The following ERCC8 variants were observed in gnomAD, a reference collection of about 807,000 sequenced individuals.
ERCC8 encodes the protein DNA excision repair protein ERCC-8.
A neutral mutation model predicts 54.9 loss-of-function variants in ERCC8; 52 were observed. The observed-to-expected ratio is 0.95, with a 90% CI of 0.76 to 1.19. ERCC8 has a LOEUF of 1.19. Among genes scored for constraint, ERCC8 ranks in the 50% most tolerant of loss-of-function variants. ERCC8 has a pLI of 0.00. For missense variants in ERCC8, 514 were observed against 466.1 expected (o/e 1.10, Z -0.95); for synonymous variants, 146 against 157.2 (o/e 0.93, Z 0.53).
At chr5:60,893,781 G>A (rs979239919) in intron 9 of ERCC8, 1 of 289,298 alleles carries the variant, frequency 3.5e-6, no homozygotes, top group Non-Finnish European at 6.4e-6. Context: ...TCCCTTTATA[G>A]TTAAACATTT....
intron 4 of ERCC8, among the ~76,000 whole-genome samples, chr5:60,913,183 G>A (rs1325582048): frequency 6.6e-6 from 1 of 152,070 alleles, no homozygotes; most frequent in Non-Finnish European, 1.5e-5. Context: ...GCTCCTCTTT[G>A]TACCTCTGGT....
Position 60,890,979 on chromosome 5 carries a change from A to G in ERCC8, c.951T>C (p.Ala317=), listed in dbSNP as rs1336561357. Residue 317 remains alanine (A), a synonymous_variant, in exon 10 of 12, where the codon GCT becomes GCC. Transcript: ENST00000676185. The stretch of plus-strand genomic sequence containing the variant: ...GTTCTCCTGAGTAAACTGTATAAAC[A>G]GCAATGGTGCTACCATATGGTACAA... The part of the protein sequence containing the change: ...FVFVPYGSTI[A]VYTVYSGEQI... 1 of 1,613,056 alleles carries G rather than the reference A, an allele frequency of 6.2e-7. No homozygotes were observed.
intron 9 of ERCC8, among the ~76,000 whole-genome samples, chr5:60,897,057 C>A (rs980002029): frequency 6.6e-6 from 1 of 152,156 alleles, no homozygotes; most frequent in East Asian, 1.9e-4. Context: ...CATATTCCAA[C>A]GCAAGAACCT....
In ERCC8 at chr5:60,869,073, T is replaced by C. The variant is rs1337737645; in HGVS notation, c.*5542A>G. ...GGGCTCAATAATTAGCACCTGAACA[T>C]GGAAAACATTAAATTAAAAAAATGG... is the stretch of plus-strand genomic sequence containing the variant. On this transcript the variant is annotated 3_prime_UTR_variant, in exon 12 of 12. Coordinates refer to ENST00000676185, the MANE Select transcript of ERCC8 (RefSeq NM_000082.4). 1.3e-5 allele frequency among the ~76,000 whole-genome samples: 2 copies of C among 152,166 alleles called. No individual in the cohort carries two copies. Among genetic ancestry groups the C allele is most frequent in the African/African-American group, 4.8e-5 (2 of 41,452 alleles).
At chr5:60,908,576 T>C (rs1057117933) in intron 4 of ERCC8, among the ~76,000 whole-genome samples, 9 of 91,002 alleles carry the variant, frequency 9.9e-5, no homozygotes, top group South Asian at 4.0e-4. Flanking sequence ...TATATATATA[T>C]ATATATATTT....
At chr5:60,918,088 A>G in intron 4 of ERCC8, 177 bp downstream of exon 4, 1 of 599,066 alleles carries the variant, frequency 1.7e-6, no homozygotes, top group Non-Finnish European at 3.1e-6. Flanking sequence ...CCAATGTCAT[A>G]CAGCTGTCAG....
intron 11 of ERCC8, among the ~76,000 whole-genome samples, chr5:60,878,842 G>C (rs1484813747): frequency 1.3e-5 from 2 of 152,048 alleles, no homozygotes; most frequent in African/African-American, 4.8e-5. Context: ...CTGATTTTTT[G>C]AAGGGTTTTT....
At chr5:60,884,939 A>G (rs1196446158) in intron 11 of ERCC8, among the ~76,000 whole-genome samples, 1 of 152,096 alleles carries the variant, frequency 6.6e-6, no homozygotes, top group Non-Finnish European at 1.5e-5. Context: ...CATATACAAA[A>G]GTTTGTTTAC....
intron 5 of ERCC8, among the ~76,000 whole-genome samples, 183 bp downstream of exon 5, chr5:60,904,609 T>C (rs1410430845): frequency 9.0e-5 from 12 of 133,918 alleles, no homozygotes; most frequent in African/African-American, 3.3e-4. Flanking sequence ...ACAATATCTG[T>C]TGAATATATA....
intron 1 of ERCC8, among the ~76,000 whole-genome samples, chr5:60,929,616 A>T (rs887815405): frequency 2.6e-5 from 4 of 152,164 alleles, no homozygotes; most frequent in Admixed American, 2.6e-4. Flanking sequence ...TCAACTTAAC[A>T]TTTATGTGTA....
intron 1 of ERCC8, among the ~76,000 whole-genome samples, chr5:60,943,145 T>A (rs1750313269): frequency 6.6e-6 from 1 of 151,972 alleles, no homozygotes; most frequent in Non-Finnish European, 1.5e-5. Flanking sequence ...TGGGCACATG[T>A]CTGTGGTCCC....
At chr5:60,898,051 C>T (rs189088204) in intron 9 of ERCC8, among the ~76,000 whole-genome samples, 1 of 152,232 alleles carries the variant, frequency 6.6e-6, no homozygotes, top group Non-Finnish European at 1.5e-5. Flanking sequence ...AGAACAGTGG[C>T]TCAGTAGAAC....
chr5:60,907,778 C>T (rs1003329606), intron 4 of ERCC8, among the ~76,000 whole-genome samples: 2 of 152,262 alleles, frequency 1.3e-5, no homozygotes, highest in Non-Finnish European at 1.5e-5. Flanking sequence ...GCATTTTCGC[C>T]CTACATTCTC....
At chr5:60,929,369 G>A (rs868418325) in intron 1 of ERCC8, among the ~76,000 whole-genome samples, 8 of 152,220 alleles carry the variant, frequency 5.3e-5, no homozygotes, top group Middle Eastern at 3.4e-3. Flanking sequence ...GCTGAGGTGA[G>A]AAGACTCCCT....
intron 4 of ERCC8, among the ~76,000 whole-genome samples, chr5:60,917,726 A>G (rs761909479): frequency 2.0e-5 from 3 of 152,046 alleles, no homozygotes; most frequent in Non-Finnish European, 2.9e-5. Flanking sequence ...AAGTAGAGAC[A>G]TATCAGAGTA....
chr5:60,922,113 G>T lies in ERCC8; in HGVS notation c.216C>A (p.Asp72Glu). Residue 72 changes from aspartate to glutamate, a missense_variant, in exon 3 of 12, where the codon GAC (aspartate) becomes GAA (glutamate). Transcript: ENST00000676185. The stretch of plus-strand genomic sequence containing the variant: ...AAGATTGTCTGCTGGAGTTCTCAAG[G>T]TCATAAAGTACAATCACACCATCTG... ...GGSDGVIVLY[D>E]LENSSRQSYY... is the part of the protein sequence containing the mutation. 1 of 1,610,272 alleles carries T rather than the reference G, an allele frequency of 6.2e-7. No individual in the cohort carries two copies. Among genetic ancestry groups the T allele is most frequent in the Non-Finnish European group, 8.5e-7 (1 of 1,177,604 alleles).
At chr5:60,884,901 A>AT (rs1670924800) in intron 11 of ERCC8, among the ~76,000 whole-genome samples, 1 of 152,058 alleles carries the variant, frequency 6.6e-6, no homozygotes, top group Admixed American at 6.5e-5. Context: ...TCTCTATGTG[A>AT]TTTTCTAACT....
In ERCC8 at chr5:60,944,991, G is replaced by A; in HGVS notation, c.18C>T (p.Ser6=). Reference sequence around the variant, plus strand: ...GGTCCTCCAAACCCGTTTGGCGTGCGGACAAAAACCCCAGCATATCGTGTC... The same window carrying A: ...GGTCCTCCAAACCCGTTTGGCGTGCAGACAAAAACCCCAGCATATCGTGTC... MLGFL[S]ARQTGLEDPL... Residue 6 remains serine, a synonymous_variant, in exon 1 of 12, where the codon TCC becomes TCT. Coordinates refer to ENST00000676185, the MANE Select transcript of ERCC8 (RefSeq NM_000082.4). The A allele has an allele frequency of 6.2e-7, 1 of 1,614,012 alleles. No homozygotes were observed. Among genetic ancestry groups the A allele is most frequent in the African/African-American group, 1.3e-5 (1 of 75,022 alleles).
intron 10 of ERCC8, among the ~76,000 whole-genome samples, chr5:60,890,309 T>C (rs1330732706): frequency 6.6e-6 from 1 of 152,226 alleles, no homozygotes; most frequent in East Asian, 1.9e-4. Context: ...TCTTGCAATG[T>C]TATACTCATT....
Sources: allele counts gnomAD v4.1 joint callset (sites outside exome capture counted in the v4.1 genomes callset), GRCh38; gene constraint gnomAD v4.1.1; transcripts MANE v1.5; gene names NCBI Gene and HGNC (gene_info 2026-07-23, HGNC 2026-07-21).